Variants in CADPS2 observed in about 807,000 individuals in gnomAD.
CADPS2 encodes the protein calcium dependent secretion activator 2.
A neutral mutation model predicts 172.5 loss-of-function variants in CADPS2; 93 were observed. The ratio of observed to expected loss-of-function variants is 0.54; its 90% CI spans 0.46 to 0.64. The LOEUF (loss-of-function observed/expected upper bound fraction) is 0.64, where lower values mean the gene tolerates loss of function less well. CADPS2 is among the 30% of genes least tolerant of loss of function. The probability of loss-of-function intolerance (pLI) is 0.00; values close to 1 mark genes in which losing one functional copy is unlikely to be tolerated. For synonymous variants in CADPS2, 546 were observed against 555.2 expected (o/e 0.98, Z 0.23); for missense variants, 1,420 against 1,565.9 (o/e 0.91, Z 1.57).
In CADPS2 at chr7:122,645,398, TATGTAC is replaced by T. The variant is rs1563948556; in HGVS notation, c.787-16076_787-16071del. Among the ~76,000 whole-genome samples the T allele has an allele frequency of 2.1e-3, 105 of 50,642 alleles. 4 individuals carry two copies. Among genetic ancestry groups the T allele is most frequent in the Non-Finnish European group, 3.3e-3 (61 of 18,276 alleles). 33.2% of individuals were successfully genotyped at this position (50,642 alleles called of 152,430 possible). A position where few individuals can be genotyped will look rare whatever the true frequency, so the allele number is the denominator to read the frequency against. ...ACACATATGTACATGTGTGTGTATA[TATGTAC>T]ATATACACACATGTATATGTGTGTA... On this transcript the variant is annotated intron_variant, in intron 3 of 29. Transcript: ENST00000449022.
chr7:122,640,612 CTAAAAAA>C (rs984008967), intron 3 of CADPS2, among the ~76,000 whole-genome samples: 4 of 151,584 alleles, frequency 2.6e-5, no homozygotes, highest in African/African-American at 9.7e-5. Context: ...ATGCTGTTCC[CTAAAAAA>C]TAAAAAATAA....
At chr7:122,368,204 G>C (rs6967599) in intron 25 of CADPS2, 1 of 152,254 alleles carries the variant, frequency 6.6e-6, no homozygotes, top group African/African-American at 2.4e-5. Flanking sequence ...CTATATATAA[G>C]GTATCCCATT....
chr7:122,464,102 C>T (rs2054825813), intron 14 of CADPS2, among the ~76,000 whole-genome samples: 1 of 152,098 alleles, frequency 6.6e-6, no homozygotes, highest in Non-Finnish European at 1.5e-5. Context: ...ACAACAATAA[C>T]AAAACCAGAG....
chr7:122,807,230 T>A (rs1798974011), intron 1 of CADPS2, among the ~76,000 whole-genome samples: 1 of 152,172 alleles, frequency 6.6e-6, no homozygotes, highest in South Asian at 2.1e-4. Context: ...CCAGTGAACA[T>A]GTCACCATGG....
In CADPS2 at chr7:122,368,959, A is replaced by G. The variant is rs149475468; in HGVS notation, c.3388-7946T>C. The stretch of plus-strand genomic sequence containing the variant: ...GCTGGTAACATAAGAAAATGGGACT[A>G]GAATCCAACTTTTCTGATGATCCCA... On this transcript the variant is annotated intron_variant, in intron 25 of 29. Transcript: ENST00000449022. Among the ~76,000 whole-genome samples the G allele has an allele frequency of 2.4e-3, 369 of 152,316 alleles. 7 individuals carry two copies. The East Asian group carries it at 0.033, about 14-fold the overall frequency.
At chr7:122,803,699 G>A (rs1042400936) in intron 1 of CADPS2, among the ~76,000 whole-genome samples, 1 of 152,124 alleles carries the variant, frequency 6.6e-6, no homozygotes, top group East Asian at 1.9e-4. Flanking sequence ...TAGTTTGTAT[G>A]TCTGTGGGAT....
At chr7:122,868,618 G>A (rs569266652) in intron 1 of CADPS2, among the ~76,000 whole-genome samples, 2 of 152,256 alleles carry the variant, frequency 1.3e-5, no homozygotes, top group East Asian at 3.9e-4. Flanking sequence ...CAACAAGACA[G>A]GAAGGGGTGG....
chr7:122,379,717 T>C (rs1026653524), intron 24 of CADPS2, among the ~76,000 whole-genome samples: 2 of 152,098 alleles, frequency 1.3e-5, no homozygotes, highest in African/African-American at 2.4e-5. Flanking sequence ...GGCAGAGGAA[T>C]GTGAAGGATA....
intron 11 of CADPS2, among the ~76,000 whole-genome samples, chr7:122,485,536 C>A (rs566205534): frequency 2.6e-4 from 39 of 152,300 alleles, no homozygotes; most frequent in African/African-American, 9.4e-4. Context: ...GGTGAAGAAG[C>A]CTCTGCAAAC....
At chr7:122,830,201 G>A (rs1806126798) in intron 1 of CADPS2, among the ~76,000 whole-genome samples, 1 of 152,108 alleles carries the variant, frequency 6.6e-6, no homozygotes, top group Non-Finnish European at 1.5e-5. Context: ...CCACAATGCA[G>A]AGAGACTTCA....
At chr7:122,345,327 G>A (rs1357209153) in intron 28 of CADPS2, among the ~76,000 whole-genome samples, 1 of 151,908 alleles carries the variant, frequency 6.6e-6, no homozygotes. Flanking sequence ...TAGTAGAGAC[G>A]GGGTTTCGCC....
chr7:122,873,990 C>T (rs1469357841), intron 1 of CADPS2, among the ~76,000 whole-genome samples: 3 of 151,912 alleles, frequency 2.0e-5, no homozygotes, highest in African/African-American at 7.3e-5. Flanking sequence ...TCATATCCTT[C>T]ACCCACTTTT....
chr7:122,423,154 T>G (rs375748246), intron 17 of CADPS2, among the ~76,000 whole-genome samples: 1 of 152,134 alleles, frequency 6.6e-6, no homozygotes, highest in African/African-American at 2.4e-5. Flanking sequence ...CTAGATTTTC[T>G]GACCCTTCCT....
rs1029149386 is a variant in CADPS2, at chr7:122,514,120, T to C, written c.1476-805A>G. On this transcript the variant is annotated intron_variant, in intron 8 of 29. Coordinates refer to ENST00000449022, the MANE Select transcript of CADPS2 (RefSeq NM_017954.11). ...GAAATTAAAAATTAGTGTGACCATG[T>C]TGTGGAGAGCTATTCCAAAATTATG... Among the ~76,000 whole-genome samples, 194 of 152,080 alleles carry C rather than the reference T, an allele frequency of 1.3e-3. 2 individuals carry two copies. The highest frequency in any genetic ancestry group is 3.1e-4 in the Non-Finnish European group (21 of 68,016).
chr7:122,446,821 T>A (rs2052282929), intron 15 of CADPS2, among the ~76,000 whole-genome samples: 1 of 152,196 alleles, frequency 6.6e-6, no homozygotes, highest in South Asian at 2.1e-4. Context: ...CCTTTCTGGA[T>A]CATGGCCTGG....
intron 2 of CADPS2, among the ~76,000 whole-genome samples, chr7:122,690,377 C>T (rs1418396301): frequency 6.6e-6 from 1 of 152,132 alleles, no homozygotes; most frequent in Non-Finnish European, 1.5e-5. Flanking sequence ...ACATATGTTC[C>T]CGGAGGAGGG....
At chr7:122,336,575 T>G (rs1258167961) in intron 28 of CADPS2, among the ~76,000 whole-genome samples, 3 of 152,214 alleles carry the variant, frequency 2.0e-5, no homozygotes, top group Non-Finnish European at 4.4e-5. Context: ...CTAAATAACT[T>G]TCAAATGCTC....
At chr7:122,499,365 C>T (rs960070153) in intron 9 of CADPS2, among the ~76,000 whole-genome samples, 2 of 152,202 alleles carry the variant, frequency 1.3e-5, no homozygotes, top group Non-Finnish European at 2.9e-5. Flanking sequence ...ATTTCAAACT[C>T]CAGCACTATT....
At position 122,663,277 on chromosome 7, in the gene CADPS2, A is replaced by C; in HGVS notation, c.746T>G (p.Ile249Ser). 6.2e-7 allele frequency: 1 copy of C among 1,613,778 alleles called. No individual in the cohort carries two copies. The highest frequency in any genetic ancestry group is 8.5e-7 in the Non-Finnish European group (1 of 1,179,794). Residue 249 changes from isoleucine (I) to serine (S), a missense_variant, in exon 3 of 30, where the codon ATT becomes AGT. Physicochemically the swap from Ile to Ser is moderately radical, Grantham distance 142. Coordinates refer to ENST00000449022, the MANE Select transcript of CADPS2 (RefSeq NM_017954.11). ...AAGGAGCTGGTGTTCCAGTTTTTTA[A>C]TACCCAGAATCTGCTGAAACATTTC... ...LYEMFQQILG[I>S]KKLEHQLLYN...
Sources: allele counts gnomAD v4.1 joint callset (sites outside exome capture counted in the v4.1 genomes callset), GRCh38; gene constraint gnomAD v4.1.1; transcripts MANE v1.5; gene names NCBI Gene and HGNC (gene_info 2026-07-23, HGNC 2026-07-21).